Variants in PHLPP1 observed in about 807,000 individuals in gnomAD.
PHLPP1 encodes PH domain and leucine rich repeat protein phosphatase 1.
A neutral mutation model predicts 117.2 loss-of-function variants in PHLPP1; 42 were observed. The observed-to-expected ratio is 0.36, with a 90% confidence interval of 0.28 to 0.46. PHLPP1 has a LOEUF of 0.46. PHLPP1 is among the 20% of genes least tolerant of loss of function. The pLI is 1.00. For synonymous variants in PHLPP1, 1,042 were observed against 970.7 expected, an observed-to-expected ratio of 1.07 and a Z score of -1.37; for missense variants, 2,084 against 2,241.9, an observed-to-expected ratio of 0.93 and a Z score of 1.42.
At chr18:62,774,124 T>G (rs1030381341) in intron 1 of PHLPP1, among the ~76,000 whole-genome samples, 1 of 152,230 alleles carries the variant, frequency 6.6e-6, no homozygotes, top group Non-Finnish European at 1.5e-5. Flanking sequence ...TCTTGTGATA[T>G]ATGTACTGAT....
At chr18:62,766,821 A>G (rs1263382359) in intron 1 of PHLPP1, among the ~76,000 whole-genome samples, 2 of 152,212 alleles carry the variant, frequency 1.3e-5, no homozygotes, top group Admixed American at 6.5e-5. Flanking sequence ...CTTCAACACC[A>G]AAGACTTCAT....
intron 6 of PHLPP1, among the ~76,000 whole-genome samples, chr18:62,900,921 C>T (rs1916707413): frequency 1.3e-5 from 2 of 152,144 alleles, no homozygotes; most frequent in African/African-American, 4.8e-5. Context: ...TAAATATGTA[C>T]AGTTTTATCT....
At chr18:62,879,730 A>C (rs1287712365) in intron 4 of PHLPP1, among the ~76,000 whole-genome samples, 7 of 152,178 alleles carry the variant, frequency 4.6e-5, no homozygotes, top group Non-Finnish European at 8.8e-5. Flanking sequence ...TAGCAACACA[A>C]AATAGACTAA....
chr18:62,939,600 G>T (rs747583694), intron 10 of PHLPP1, among the ~76,000 whole-genome samples: 1 of 149,362 alleles, frequency 6.7e-6, no homozygotes, highest in African/African-American at 2.5e-5. Context: ...ATAATTTCCC[G>T]TGACTATTTA....
chr18:62,947,856 T>C (rs1275530402), intron 12 of PHLPP1, among the ~76,000 whole-genome samples: 1 of 151,550 alleles, frequency 6.6e-6, no homozygotes, highest in Non-Finnish European at 1.5e-5. Flanking sequence ...TGAAACTCTG[T>C]CTCTACTAAA....
At chr18:62,762,352 C>A (rs1912273784) in intron 1 of PHLPP1, among the ~76,000 whole-genome samples, 1 of 148,942 alleles carries the variant, frequency 6.7e-6, no homozygotes, top group African/African-American at 2.4e-5. Flanking sequence ...AAAAAAAAAA[C>A]CTTAAAAGAA....
intron 4 of PHLPP1, among the ~76,000 whole-genome samples, chr18:62,876,860 G>T (rs957690511): frequency 6.6e-6 from 1 of 152,196 alleles, no homozygotes; most frequent in African/African-American, 2.4e-5. Context: ...CAAGAGGGGA[G>T]TGAATTCAAC....
chr18:62,716,392 C>T lies in PHLPP1; in HGVS notation c.709C>T (p.Leu237=). 6.7e-7 allele frequency: 1 copy of T among 1,483,872 alleles called. No individual in the cohort carries two copies. The highest frequency in any genetic ancestry group is 1.5e-5 in the African/African-American group (1 of 68,732). 91.9% of individuals were successfully genotyped at this position (1,483,872 alleles called of 1,614,324 possible). A position where few individuals can be genotyped will look rare whatever the true frequency, so the allele number is the denominator to read the frequency against. Residue 237 remains leucine (L), a synonymous_variant, in exon 1 of 17, where the codon CTG becomes TTG. Coordinates refer to ENST00000262719, the MANE Select transcript of PHLPP1 (RefSeq NM_194449.4). The surrounding 1 kb of genome is among the most constrained non-coding windows in gnomAD (Gnocchi z 5.7). ...AGEVAARLLQ[L]GHKGGGVVKV... ...CGAGGTGGCCGCCCGCCTGCTGCAGCTGGGCCACAAAGGCGGCGGCGTGGT... is the reference window on the plus strand; with the variant it reads ...CGAGGTGGCCGCCCGCCTGCTGCAGTTGGGCCACAAAGGCGGCGGCGTGGT...
intron 9 of PHLPP1, 121 bp from the exon 10 acceptor site, chr18:62,919,838 T>A: frequency 1.4e-6 from 1 of 715,486 alleles, no homozygotes; most frequent in Non-Finnish European, 2.3e-6. Flanking sequence ...TAGTTTCAAG[T>A]TTGAATTTAT....
intron 12 of PHLPP1, among the ~76,000 whole-genome samples, chr18:62,947,416 A>C (rs1473842505): frequency 2.6e-5 from 4 of 152,216 alleles, no homozygotes; most frequent in African/African-American, 9.6e-5. Context: ...AAAATCCAAG[A>C]AATTTATTAC....
intron 1 of PHLPP1, among the ~76,000 whole-genome samples, chr18:62,735,501 G>T (rs1440452572): frequency 3.3e-5 from 5 of 151,840 alleles, no homozygotes; most frequent in African/African-American, 4.8e-5. Context: ...CATTAGAATT[G>T]GAAGGTGTCA....
At position 62,900,433 on chromosome 18, in the gene PHLPP1, C is replaced by CTTTTTTTTTTTTT. The variant is rs774225759; in HGVS notation, c.2445-2515_2445-2503dup. Reference sequence around the variant, plus strand: ...GTATTCTTGTTTTTTCTTTTTCTTTCTTTTTTTTTTTTTTTTTTTTTTTTT... The same window carrying CTTTTTTTTTTTTT: ...GTATTCTTGTTTTTTCTTTTTCTTTCTTTTTTTTTTTTTTTTTTTTTTTTTTTTTTTTTTTTTT... On this transcript the variant is annotated intron_variant, in intron 6 of 16. Transcript: ENST00000262719. Among the ~76,000 whole-genome samples, 11 of 54,258 alleles carry CTTTTTTTTTTTTT rather than the reference C, an allele frequency of 2.0e-4. 2 individuals are homozygous for CTTTTTTTTTTTTT. The highest frequency in any genetic ancestry group is 7.5e-4 in the South Asian group (1 of 1,342). The allele number at this position is 54,258 out of a possible 152,430, so 35.6% of individuals were successfully genotyped here.
intron 1 of PHLPP1, among the ~76,000 whole-genome samples, chr18:62,767,250 A>G (rs1163810951): frequency 6.6e-6 from 1 of 152,242 alleles, no homozygotes; most frequent in Non-Finnish European, 1.5e-5. Flanking sequence ...ATAATTTCAA[A>G]GGAGACCACT....
At position 62,715,923 on chromosome 18, in the gene PHLPP1, G is replaced by T; in HGVS notation, c.240G>T (p.Pro80=). 1 of 1,034,504 alleles carries T rather than the reference G, an allele frequency of 9.7e-7. No homozygotes were observed. Among genetic ancestry groups the T allele is most frequent in the Non-Finnish European group, 1.2e-6 (1 of 856,012 alleles). The allele number at this position is 1,034,504 out of a possible 1,614,324, so 64.1% of individuals were successfully genotyped here. A position where few individuals can be genotyped will look rare whatever the true frequency, so the allele number is the denominator to read the frequency against. ...AAGAGGCCCCAGGCGAGGCGCCGCC[G>T]GGGCCGCTGCCGGGCAGAGCGGGGG... ...AREEAPGEAP[P]GPLPGRAGGA... is the part of the protein sequence containing the mutation. Residue 80 remains proline, a synonymous_variant, in exon 1 of 17, where the codon CCG becomes CCT. Transcript: ENST00000262719.
intron 1 of PHLPP1, among the ~76,000 whole-genome samples, chr18:62,737,540 G>A (rs746500886): frequency 2.6e-5 from 4 of 152,218 alleles, no homozygotes; most frequent in Non-Finnish European, 4.4e-5. Context: ...TGTTAAAACA[G>A]CCTGTTAGGA....
intron 6 of PHLPP1, among the ~76,000 whole-genome samples, chr18:62,898,177 T>C (rs1489848791): frequency 6.6e-6 from 1 of 152,234 alleles, no homozygotes; most frequent in African/African-American, 2.4e-5. Flanking sequence ...ATTCCTTCTT[T>C]GACTTCTTGA....
intron 1 of PHLPP1, among the ~76,000 whole-genome samples, chr18:62,814,885 A>G (rs558378118): frequency 6.6e-6 from 1 of 152,218 alleles, no homozygotes; most frequent in Non-Finnish European, 1.5e-5. Context: ...AAATAGAATT[A>G]TGTGAAACCA....
At chr18:62,868,698 T>C (rs1332335358) in intron 4 of PHLPP1, among the ~76,000 whole-genome samples, 1 of 152,012 alleles carries the variant, frequency 6.6e-6, no homozygotes, top group African/African-American at 2.4e-5. Context: ...ATTTAGTTAA[T>C]ACTTTGTTTT....
chr18:62,728,292 CAAA>C (rs11374202), intron 1 of PHLPP1, among the ~76,000 whole-genome samples: 1 of 133,492 alleles, frequency 7.5e-6, no homozygotes, highest in Non-Finnish European at 1.7e-5. Context: ...GAGACTGACT[CAAA>C]AAAAAAAAAA....
Sources: gnomAD v4.1 joint callset for allele counts (sites outside exome capture counted in the v4.1 genomes callset) on GRCh38, gnomAD v4.1.1 for gene constraint, Gnocchi (gnomAD v3.1) non-coding constraint, MANE v1.5 for transcripts, NCBI Gene and HGNC (gene_info 2026-07-23, HGNC 2026-07-21) for gene names.